The following RCL1 variants were observed in gnomAD, a reference collection of about 807,000 sequenced individuals.
RCL1 encodes RNA 3'-terminal phosphate cyclase-like protein.
In RCL1, 24 loss-of-function variants were observed where a neutral mutation model predicts 42.4. The observed-to-expected ratio is 0.57, with a 90% CI of 0.41 to 0.80. The LOEUF is 0.80. RCL1 is among the 30% of genes least tolerant of loss of function. The pLI is 0.00. For synonymous variants in RCL1, 228 were observed against 177.3 expected (o/e 1.29, Z -2.27); for missense variants, 578 against 467.9 (o/e 1.24, Z -2.17).
chr9:4,843,861 T>C (rs764165362), intron 6 of RCL1, among the ~76,000 whole-genome samples: 4 of 152,150 alleles, frequency 2.6e-5, no homozygotes, highest in Non-Finnish European at 2.9e-5. Flanking sequence ...ATGCTAAAAT[T>C]CTCTAGGTGT....
At chr9:4,834,080 G>A in intron 4 of RCL1, 61 bp from the exon 5 acceptor site, 1 of 1,570,850 alleles carries the variant, frequency 6.4e-7, no homozygotes, top group Non-Finnish European at 8.7e-7. Context: ...CCTGGGCAGG[G>A]TGTCAGGGTA....
chr9:4,814,250 C>T (rs537169021), intron 1 of RCL1, among the ~76,000 whole-genome samples: 10 of 116,222 alleles, frequency 8.6e-5, no homozygotes, highest in African/African-American at 2.6e-4. Flanking sequence ...CTATACCTAA[C>T]GTAAGAGTTT....
chr9:4,814,581 A>C (rs1816305900), intron 1 of RCL1, among the ~76,000 whole-genome samples: 1 of 152,066 alleles, frequency 6.6e-6, no homozygotes. Flanking sequence ...GTCCTTATAA[A>C]AATTGTTTTC....
chr9:4,806,045 TTTGTG>T (rs1815945103), intron 1 of RCL1, among the ~76,000 whole-genome samples: 1 of 142,102 alleles, frequency 7.0e-6, no homozygotes, highest in East Asian at 2.0e-4. Context: ...TGTGTGTGTG[TTTGTG>T]TGTGTGTGTG....
At position 4,806,703 on chromosome 9, in the gene RCL1, G is replaced by A. The variant is rs562189230; in HGVS notation, c.136+13476G>A. Among the ~76,000 whole-genome samples, 73 of 151,498 alleles carry A rather than the reference G, an allele frequency of 4.8e-4. 1 individual carries two copies. Among genetic ancestry groups the A allele is most frequent in the East Asian group, 1.7e-3 (9 of 5,164 alleles). The stretch of plus-strand genomic sequence containing the variant: ...GTTAAGGACTTTTGTTTGTATGTTC[G>A]TGAGCAATATTGCTCTGTAGTTTTT... On this transcript the variant is annotated intron_variant, in intron 1 of 8. Coordinates refer to ENST00000381750, the MANE Select transcript of RCL1 (RefSeq NM_005772.5).
At position 4,818,742 on chromosome 9, in the gene RCL1, C is replaced by T. The variant is rs1025442618; in HGVS notation, c.137-4806C>T. 4.6e-5 allele frequency among the ~76,000 whole-genome samples: 7 copies of T among 151,894 alleles called. No homozygotes were observed. The East Asian group carries it at 5.8e-4, about 13-fold the overall frequency. ...CTAAAAATAGCTGGACATGGTGGCA[C>T]GTGCCTGTAGTCCTAGCTACTCGGG... On this transcript the variant is annotated intron_variant, in intron 1 of 8. Coordinates refer to ENST00000381750, the MANE Select transcript of RCL1 (RefSeq NM_005772.5).
chr9:4,810,655 T>C (rs1160866705), intron 1 of RCL1, among the ~76,000 whole-genome samples: 2 of 152,132 alleles, frequency 1.3e-5, no homozygotes, highest in Admixed American at 1.3e-4. Flanking sequence ...TGTGCACATA[T>C]ATGTGTATGT....
intron 1 of RCL1, among the ~76,000 whole-genome samples, chr9:4,794,926 A>G (rs1167316283): frequency 2.0e-5 from 3 of 152,144 alleles, no homozygotes; most frequent in African/African-American, 7.2e-5. Context: ...ACTGCTTGGC[A>G]GGTGTGCTGG....
intron 8 of RCL1, among the ~76,000 whole-genome samples, chr9:4,851,164 A>G (rs1225665013): frequency 6.6e-6 from 1 of 152,172 alleles, no homozygotes; most frequent in African/African-American, 2.4e-5. Flanking sequence ...TCTTCTCACC[A>G]AACATTAATT....
chr9:4,822,152 CAA>C (rs1181148428), intron 1 of RCL1, among the ~76,000 whole-genome samples: 1 of 152,204 alleles, frequency 6.6e-6, no homozygotes, highest in African/African-American at 2.4e-5. Flanking sequence ...TCCATTATGA[CAA>C]GAGTTATGGG....
At chr9:4,818,344 ATAAT>A (rs1443149218) in intron 1 of RCL1, among the ~76,000 whole-genome samples, 1 of 152,110 alleles carries the variant, frequency 6.6e-6, no homozygotes, top group Non-Finnish European at 1.5e-5. Context: ...TGACCTCAGT[ATAAT>A]TTAGGAAAGA....
At chr9:4,801,071 G>C (rs1842992581) in intron 1 of RCL1, among the ~76,000 whole-genome samples, 1 of 152,192 alleles carries the variant, frequency 6.6e-6, no homozygotes, top group South Asian at 2.1e-4. Flanking sequence ...TGATGCCCCA[G>C]GGTGGTCTTA....
intron 1 of RCL1, among the ~76,000 whole-genome samples, chr9:4,798,005 A>G (rs1842940922): frequency 6.6e-6 from 1 of 152,206 alleles, no homozygotes; most frequent in Non-Finnish European, 1.5e-5. Flanking sequence ...AAGAGGAAGT[A>G]AATATTTTTT....
Position 4,849,515 on chromosome 9 carries a change from T to C in RCL1, c.936T>C (p.Val312=), listed in dbSNP as rs35815255. 0.01 allele frequency: 16,400 copies of C among 1,613,888 alleles called. 99 individuals carry two copies. Among genetic ancestry groups the C allele is most frequent in the Non-Finnish European group, 0.012 (13,737 of 1,179,834 alleles). ...TCATGACCCTTGGACAGCAGGATGT[T>C]TCCAAAGTCCTGCTAGGCCCTCTCT... is the stretch of plus-strand genomic sequence containing the variant. ...LLLMTLGQQD[V]SKVLLGPLSP... is the part of the protein sequence containing the mutation. The change falls in exon 8 of 9, where the codon GTT becomes GTC. Residue 312 remains valine (V), a synonymous_variant. Coordinates refer to ENST00000381750, the MANE Select transcript of RCL1 (RefSeq NM_005772.5).
At chr9:4,823,086 C>G (rs1262866537) in intron 1 of RCL1, among the ~76,000 whole-genome samples, 1 of 152,132 alleles carries the variant, frequency 6.6e-6, no homozygotes, top group Non-Finnish European at 1.5e-5. Flanking sequence ...CTTACTGTCT[C>G]TGAGACTGAA....
At chr9:4,817,912 ATTTTTTTTT>A (rs66886360) in intron 1 of RCL1, among the ~76,000 whole-genome samples, 4 of 78,366 alleles carry the variant, frequency 5.1e-5, no homozygotes, top group South Asian at 4.6e-4. Context: ...CTTTTCTAAG[ATTTTTTTTT>A]TTTTTTTTTT....
At chr9:4,836,288 G>T (rs1000638125) in intron 5 of RCL1, among the ~76,000 whole-genome samples, 3 of 152,136 alleles carry the variant, frequency 2.0e-5, no homozygotes, top group Non-Finnish European at 4.4e-5. Context: ...GGCAAGGTGG[G>T]TGGGTCCTAC....
At chr9:4,807,344 A>G (rs1816012183) in intron 1 of RCL1, among the ~76,000 whole-genome samples, 3 of 152,178 alleles carry the variant, frequency 2.0e-5, no homozygotes, top group Admixed American at 2.0e-4. Flanking sequence ...GGTGGAGCAT[A>G]GATTATTGGG....
intron 1 of RCL1, among the ~76,000 whole-genome samples, chr9:4,797,696 C>T (rs1256312669): frequency 6.6e-6 from 1 of 152,198 alleles, no homozygotes; most frequent in East Asian, 1.9e-4. Flanking sequence ...TAAACCTTTT[C>T]TTTTCCCTGT....
Sources: gnomAD v4.1 joint callset for allele counts (sites outside exome capture counted in the v4.1 genomes callset) on GRCh38, gnomAD v4.1.1 for gene constraint, MANE v1.5 for transcripts, NCBI Gene and HGNC (gene_info 2026-07-23, HGNC 2026-07-21) for gene names.